The following ZNF407 variants were observed in gnomAD, a reference collection of about 807,000 sequenced individuals.
ZNF407 encodes zinc finger protein 407.
Under a neutral mutation model 131.2 loss-of-function variants are expected in ZNF407, and 17 were observed. The observed-to-expected ratio is 0.13, with a 90% CI of 0.09 to 0.19. The LOEUF (loss-of-function observed/expected upper bound fraction) is 0.19, where lower values mean the gene tolerates loss of function less well. Among genes scored for constraint, ZNF407 ranks in the 10% least tolerant of loss-of-function variants. The pLI, the probability that ZNF407 is intolerant of heterozygous loss-of-function variation, is 1.00. For missense variants in ZNF407, 2,681 were observed against 2,830.6 expected (o/e 0.95, Z 1.20); for synonymous variants, 1,156 against 1,062.0 (o/e 1.09, Z -1.72).
intron 3 of ZNF407, among the ~76,000 whole-genome samples, chr18:74,655,459 G>C (rs1008733774): frequency 6.6e-6 from 1 of 151,912 alleles, no homozygotes; most frequent in African/African-American, 2.4e-5. Flanking sequence ...AACTGGACTG[G>C]TATCTATCCA....
intron 3 of ZNF407, among the ~76,000 whole-genome samples, chr18:74,697,705 A>G (rs1366328980): frequency 6.6e-6 from 1 of 152,210 alleles, no homozygotes; most frequent in East Asian, 1.9e-4. Context: ...TTAATTAAAA[A>G]TTAAATGATG....
At chr18:74,750,263 G>T (rs1410168379) in intron 3 of ZNF407, among the ~76,000 whole-genome samples, 3 of 152,092 alleles carry the variant, frequency 2.0e-5, no homozygotes, top group Non-Finnish European at 4.4e-5. Context: ...ACCAACATAA[G>T]ATGCAAAATT....
chr18:74,847,688 G>A (rs907280750), intron 4 of ZNF407, among the ~76,000 whole-genome samples: 8 of 152,312 alleles, frequency 5.3e-5, no homozygotes, highest in African/African-American at 1.7e-4. Context: ...TCGACAACAT[G>A]TGTAGTGTGT....
intron 4 of ZNF407, among the ~76,000 whole-genome samples, chr18:74,812,845 T>C (rs1040867185): frequency 2.0e-5 from 3 of 152,180 alleles, no homozygotes; most frequent in African/African-American, 7.2e-5. Context: ...AATCCTGTCC[T>C]TTGATATGCC....
In ZNF407 at chr18:74,777,073, G is replaced by A. The variant is rs1969487791; in HGVS notation, c.4803-4355G>A. Among the ~76,000 whole-genome samples, 6 of 152,114 alleles carry A rather than the reference G, an allele frequency of 3.9e-5. No homozygotes were observed. In the South Asian group the frequency reaches 1.2e-3, roughly 32 times the overall value. ...TGTTCAAGGGTCAGCTGAGCTGTATGTGCTTTAATAGATGAGTTAGATCAT... is the reference window on the plus strand; with the variant it reads ...TGTTCAAGGGTCAGCTGAGCTGTATATGCTTTAATAGATGAGTTAGATCAT... On this transcript the variant is annotated intron_variant, in intron 3 of 8. Coordinates refer to ENST00000299687, the MANE Select transcript of ZNF407 (RefSeq NM_017757.3).
In ZNF407 at chr18:74,750,760, A is replaced by G. The variant is rs145560919; in HGVS notation, c.4803-30668A>G. 4.3e-3 allele frequency among the ~76,000 whole-genome samples: 657 copies of G among 152,210 alleles called. 10 individuals carry two copies. Among genetic ancestry groups the G allele is most frequent in the East Asian group, 0.028 (146 of 5,180 alleles). Reference sequence around the variant, plus strand: ...AGAATTGCTGGATCTTGTGCTAACTATATGTTTAACTTTGTGAGAAGCCAT... The same window carrying G: ...AGAATTGCTGGATCTTGTGCTAACTGTATGTTTAACTTTGTGAGAAGCCAT... On this transcript the variant is annotated intron_variant, in intron 3 of 8. Coordinates refer to ENST00000299687, the MANE Select transcript of ZNF407 (RefSeq NM_017757.3).
intron 1 of ZNF407, among the ~76,000 whole-genome samples, chr18:74,606,270 T>C (rs2144610359): frequency 6.6e-6 from 1 of 152,372 alleles, no homozygotes; most frequent in Non-Finnish European, 1.5e-5. Flanking sequence ...GTAATGAGTT[T>C]CAGGTTGAAG....
intron 3 of ZNF407, among the ~76,000 whole-genome samples, chr18:74,721,077 G>T (rs1968024814): frequency 6.6e-6 from 1 of 151,590 alleles, no homozygotes; most frequent in South Asian, 2.1e-4. Flanking sequence ...CTGTACATTT[G>T]CTTTGGGTAG....
chr18:74,886,680 A>C (rs1395387234), intron 6 of ZNF407, among the ~76,000 whole-genome samples: 1 of 152,210 alleles, frequency 6.6e-6, no homozygotes, highest in African/African-American at 2.4e-5. Flanking sequence ...TAGGTGTATA[A>C]ATTGCTAGGA....
At chr18:74,646,197 G>A (rs1984964989) in intron 3 of ZNF407, among the ~76,000 whole-genome samples, 1 of 152,134 alleles carries the variant, frequency 6.6e-6, no homozygotes, top group Non-Finnish European at 1.5e-5. Flanking sequence ...GAGAACTAAA[G>A]CTGTGTATAC....
At chr18:74,760,070 C>T (rs1969060835) in intron 3 of ZNF407, among the ~76,000 whole-genome samples, 1 of 151,926 alleles carries the variant, frequency 6.6e-6, no homozygotes, top group South Asian at 2.1e-4. Flanking sequence ...AGATCCCTTC[C>T]TCCTCAGAGT....
At chr18:74,690,856 C>G (rs577365) in intron 3 of ZNF407, among the ~76,000 whole-genome samples, 1 of 152,118 alleles carries the variant, frequency 6.6e-6, no homozygotes, top group Admixed American at 6.5e-5. Flanking sequence ...GGTTTATTGT[C>G]ATACCTTGAG....
intron 8 of ZNF407, among the ~76,000 whole-genome samples, chr18:75,006,579 A>C (rs1185218841): frequency 6.6e-6 from 1 of 152,140 alleles, no homozygotes; most frequent in Non-Finnish European, 1.5e-5. Flanking sequence ...TTTCCTCCTT[A>C]TTATTAATCT....
At chr18:74,930,561 G>A (rs894360306) in intron 8 of ZNF407, among the ~76,000 whole-genome samples, 14 of 152,006 alleles carry the variant, frequency 9.2e-5, no homozygotes, top group African/African-American at 2.7e-4. Context: ...TTTCTTCTAC[G>A]TTTAATAATT....
Position 75,058,979 on chromosome 18 carries a change from G to A in ZNF407, c.5429-4171G>A, listed in dbSNP as rs528041998. ...TTTCAAAGCAGTACTGACAGCACTC[G>A]AAGTTATTAAATTGCTGAATCAAAA... On this transcript the variant is annotated intron_variant, in intron 8 of 8. Coordinates refer to ENST00000299687, the MANE Select transcript of ZNF407 (RefSeq NM_017757.3). Among the ~76,000 whole-genome samples, 303 of 152,328 alleles carry A rather than the reference G, an allele frequency of 2.0e-3. 2 individuals are homozygous for A. Among genetic ancestry groups the A allele is most frequent in the African/African-American group, 7.0e-3 (290 of 41,570 alleles).
intron 5 of ZNF407, among the ~76,000 whole-genome samples, chr18:74,878,191 T>C (rs573118278): frequency 6.6e-6 from 1 of 152,210 alleles, no homozygotes; most frequent in East Asian, 1.9e-4. Flanking sequence ...TATATTTGAG[T>C]CTCTCCCTAG....
intron 4 of ZNF407, among the ~76,000 whole-genome samples, chr18:74,782,242 A>G (rs1969617063): frequency 6.6e-6 from 1 of 152,172 alleles, no homozygotes. Flanking sequence ...CCAAAATTCT[A>G]CAGATACTCT....
intron 3 of ZNF407, among the ~76,000 whole-genome samples, chr18:74,720,550 G>C (rs1968005909): frequency 6.6e-6 from 1 of 151,674 alleles, no homozygotes; most frequent in Non-Finnish European, 1.5e-5. Context: ...GTGCTTTTCA[G>C]GTCTTACTCA....
intron 1 of ZNF407, among the ~76,000 whole-genome samples, chr18:74,608,641 C>G (rs1371199326): frequency 1.3e-5 from 2 of 152,216 alleles, no homozygotes; most frequent in Non-Finnish European, 2.9e-5. Flanking sequence ...GCCACCGCGC[C>G]TGGCCAGTTC....
Sources: allele counts gnomAD v4.1 joint callset (sites outside exome capture counted in the v4.1 genomes callset), GRCh38; gene constraint gnomAD v4.1.1; transcripts MANE v1.5; gene names NCBI Gene and HGNC (gene_info 2026-07-23, HGNC 2026-07-21).